The following ANK3 variants were observed in gnomAD, a reference collection of about 807,000 sequenced individuals.
ANK3 encodes ankyrin-3.
In ANK3, 57 loss-of-function variants were observed where a neutral mutation model predicts 370.9. The observed-to-expected ratio is 0.15, with a 90% confidence interval of 0.12 to 0.19. The LOEUF is 0.19. Among genes scored for constraint, ANK3 ranks in the 10% least tolerant of loss-of-function variants. The pLI, the probability that ANK3 is intolerant of heterozygous loss-of-function variation, is 1.00. For synonymous variants in ANK3, 1,929 were observed against 1,946.3 expected (o/e 0.99, Z 0.23); for missense variants, 4,439 against 5,302.1 (o/e 0.84, Z 5.06).
At chr10:60,675,189 A>G (rs1301566699) in intron 1 of ANK3, among the ~76,000 whole-genome samples, 1 of 152,246 alleles carries the variant, frequency 6.6e-6, no homozygotes, top group East Asian at 1.9e-4. Context: ...AATTTAAGTC[A>G]GCATTGACAG....
At chr10:60,306,524 C>A (rs1157395544) in intron 1 of ANK3, among the ~76,000 whole-genome samples, 1 of 151,496 alleles carries the variant, frequency 6.6e-6, no homozygotes, top group African/African-American at 2.4e-5. Flanking sequence ...GTGAATCGTG[C>A]TGATATAAAC....
At chr10:60,395,580 CTT>C (rs1218457781) in intron 2 of ANK3, among the ~76,000 whole-genome samples, 1 of 126,118 alleles carries the variant, frequency 7.9e-6, no homozygotes, top group African/African-American at 3.2e-5. Context: ...TTCTTTCTTT[CTT>C]TCTTTCTTTC....
At chr10:60,352,861 G>C (rs1052921028) in intron 1 of ANK3, among the ~76,000 whole-genome samples, 4 of 152,160 alleles carry the variant, frequency 2.6e-5, no homozygotes, top group Non-Finnish European at 4.4e-5. Flanking sequence ...AATTATACTT[G>C]TATTTAGCGT....
At chr10:60,211,635 G>GCA (rs1230010827) in intron 9 of ANK3, among the ~76,000 whole-genome samples, 1 of 152,006 alleles carries the variant, frequency 6.6e-6, no homozygotes, top group Non-Finnish European at 1.5e-5. Flanking sequence ...TATGCATAAA[G>GCA]CACAAGACTG....
intron 11 of ANK3, 50 bp from the exon 12 acceptor site, chr10:60,203,150 G>A (rs371517461): frequency 1.3e-5 from 18 of 1,387,116 alleles, no homozygotes; most frequent in Non-Finnish European, 1.8e-5. Context: ...CATAAAAAAG[G>A]TTTGTCTGTG....
chr10:60,632,903 CA>C lies in ANK3; in HGVS notation c.58-17680del, dbSNP rs982027551. ...TCTTCAAAAACAAAAAAATAAAAAACAAAAAAAAAACCATACTTATTCTTGC... is the reference window on the plus strand; with the variant it reads ...TCTTCAAAAACAAAAAAATAAAAAACAAAAAAAAACCATACTTATTCTTGC... On this transcript the variant is annotated intron_variant, in intron 1 of 43. Coordinates refer to the ANK3 transcript ENST00000373827. 2.9e-3 allele frequency among the ~76,000 whole-genome samples: 234 copies of C among 81,160 alleles called. 1 individual carries two copies. Among genetic ancestry groups the C allele is most frequent in the African/African-American group, 8.2e-3 (218 of 26,634 alleles). The allele number at this position is 81,160 out of a possible 152,430, so 53.2% of individuals were successfully genotyped here. A position where few individuals can be genotyped will look rare whatever the true frequency, so the allele number is the denominator to read the frequency against.
At chr10:60,659,651 T>C (rs1274535174) in intron 1 of ANK3, among the ~76,000 whole-genome samples, 1 of 152,104 alleles carries the variant, frequency 6.6e-6, no homozygotes, top group African/African-American at 2.4e-5. Flanking sequence ...TAGTTTATCA[T>C]AAATTTTTTA....
At chr10:60,140,250 C>T in intron 23 of ANK3, 1 of 1,257,500 alleles carries the variant, frequency 8.0e-7, no homozygotes, top group East Asian at 2.3e-5. Flanking sequence ...CTACCCAGTA[C>T]CAAGAGATTA....
chr10:60,502,739 AG>A (rs1266862432), intron 2 of ANK3, among the ~76,000 whole-genome samples: 1 of 150,814 alleles, frequency 6.6e-6, no homozygotes, highest in Non-Finnish European at 1.5e-5. Context: ...AGAAAGGAAG[AG>A]AGGGAGGGAG....
At chr10:60,443,508 G>A (rs1214474022) in intron 2 of ANK3, among the ~76,000 whole-genome samples, 1 of 152,094 alleles carries the variant, frequency 6.6e-6, no homozygotes. Context: ...TTTCTGAAGT[G>A]GCCCAATCGT....
At chr10:60,106,470 A>G (rs2092189415) in intron 27 of ANK3, among the ~76,000 whole-genome samples, 1 of 152,178 alleles carries the variant, frequency 6.6e-6, no homozygotes, top group Non-Finnish European at 1.5e-5. Flanking sequence ...AAAATTCTAT[A>G]AAGTTCCTAG....
At chr10:60,323,900 A>G (rs1392223028) in intron 1 of ANK3, among the ~76,000 whole-genome samples, 1 of 152,166 alleles carries the variant, frequency 6.6e-6, no homozygotes, top group African/African-American at 2.4e-5. Flanking sequence ...AACTGATTGA[A>G]GCATTTTGTG....
chr10:60,393,037 A>G (rs1027099182), upstream of ANK3, among the ~76,000 whole-genome samples: 17 of 152,240 alleles, frequency 1.1e-4, no homozygotes, highest in Admixed American at 8.5e-4. Flanking sequence ...CTTGTTTTAT[A>G]AAAGTCCCAG....
At chr10:60,523,101 A>AG (rs2076386663) in intron 2 of ANK3, among the ~76,000 whole-genome samples, 1 of 152,076 alleles carries the variant, frequency 6.6e-6, no homozygotes. Flanking sequence ...ATATCAAGTA[A>AG]TCTACTTTTG....
At chr10:60,219,914 G>T (rs893030983) in intron 8 of ANK3, among the ~76,000 whole-genome samples, 2 of 152,254 alleles carry the variant, frequency 1.3e-5, no homozygotes, top group Admixed American at 6.5e-5. Context: ...ATTGCAAATA[G>T]TACATGGCCT....
At chr10:60,238,478 T>C (rs970327031) in intron 7 of ANK3, among the ~76,000 whole-genome samples, 4 of 152,076 alleles carry the variant, frequency 2.6e-5, no homozygotes, top group African/African-American at 7.2e-5. Context: ...AGACACAGCC[T>C]TGAACCCAGA....
At chr10:60,699,665 T>C (rs116414602) in intron 1 of ANK3, among the ~76,000 whole-genome samples, 5,316 of 152,050 alleles carry the variant, frequency 0.035, 122 homozygotes, top group South Asian at 0.071. Flanking sequence ...TTAATTAAGA[T>C]GTAATTCCAT....
At position 60,269,075 on chromosome 10, in the gene ANK3, T is replaced by C. The variant is rs576315076; in HGVS notation, c.513+1056A>G. Among the ~76,000 whole-genome samples the C allele has an allele frequency of 1.6e-4, 25 of 152,340 alleles. 1 individual carries two copies. The South Asian group carries it at 3.5e-3, about 21-fold the overall frequency. ...CACATCAGCATGCAAGCAAGAGTAG[T>C]GGTTTATAATAGGGATAACCCTGCA... is the stretch of plus-strand genomic sequence containing the variant. On this transcript the variant is annotated intron_variant, in intron 5 of 43. Transcript: ENST00000280772.
chr10:60,693,558 C>T (rs989751762), intron 1 of ANK3, among the ~76,000 whole-genome samples: 13 of 152,218 alleles, frequency 8.5e-5, no homozygotes, highest in African/African-American at 1.4e-4. Context: ...GATCTGAGAA[C>T]GGGCAGACTG....
Sources: gnomAD v4.1 joint callset for allele counts (sites outside exome capture counted in the v4.1 genomes callset) on GRCh38, gnomAD v4.1.1 for gene constraint, MANE v1.5 for transcripts, NCBI Gene and HGNC (gene_info 2026-07-23, HGNC 2026-07-21) for gene names.